NECTIN1: variants seen among roughly 807,000 people sequenced by gnomAD.
The protein encoded by NECTIN1 is nectin cell adhesion molecule 1, also known as nectin-1.
NECTIN1 carries 23 observed loss-of-function variants against 48.0 expected under a neutral mutation model. The ratio of observed to expected loss-of-function variants is 0.48; its 90% confidence interval spans 0.34 to 0.68. The LOEUF is 0.68. Among genes scored for constraint, NECTIN1 ranks in the 30% least tolerant of loss-of-function variants. The probability of loss-of-function intolerance (pLI) is 0.01; values close to 1 mark genes in which losing one functional copy is unlikely to be tolerated. For missense variants in NECTIN1, 591 were observed against 709.9 expected, an observed-to-expected ratio of 0.83 and a Z score of 1.90; for synonymous variants, 270 against 288.9, an observed-to-expected ratio of 0.93 and a Z score of 0.66.
downstream of NECTIN1, among the ~76,000 whole-genome samples, chr11:119,660,827 C>T (rs1864650600): frequency 6.6e-6 from 1 of 152,166 alleles, no homozygotes; most frequent in Admixed American, 6.5e-5. Flanking sequence ...CCGGGGCAGC[C>T]TGTGAGCAGT....
chr11:119,663,963 T>G lies in NECTIN1; in HGVS notation c.*784A>C. 5 of 986,156 alleles carry G rather than the reference T, an allele frequency of 5.1e-6. No individual in the cohort carries two copies. The highest frequency in any genetic ancestry group is 6.0e-6 in the Non-Finnish European group (5 of 830,528). 61.1% of individuals were successfully genotyped at this position (986,156 alleles called of 1,614,324 possible). A position where few individuals can be genotyped will look rare whatever the true frequency, so the allele number is the denominator to read the frequency against. On this transcript the variant is annotated 3_prime_UTR_variant, in exon 6 of 6. Coordinates refer to ENST00000264025, the MANE Select transcript of NECTIN1 (RefSeq NM_002855.5). The stretch of plus-strand genomic sequence containing the variant: ...AGCAGTGTGTGCATGTGTGTGTGTG[T>G]GCACGTGTCAGCAGAGGCAGAGAGC...
At chr11:119,670,556 CAGG>C (rs986176501) in intron 5 of NECTIN1, among the ~76,000 whole-genome samples, 16 of 151,752 alleles carry the variant, frequency 1.1e-4, no homozygotes, top group African/African-American at 3.9e-4. Context: ...GAGTGGGTGA[CAGG>C]AGGAGTGGTG....
intron 5 of NECTIN1, among the ~76,000 whole-genome samples, chr11:119,652,159 T>C (rs1358029587): frequency 6.6e-6 from 1 of 152,142 alleles, no homozygotes; most frequent in Non-Finnish European, 1.5e-5. Flanking sequence ...TTCTTGTCAT[T>C]AACGCCCCAG....
Position 119,673,160 on chromosome 11 carries a change from G to A in NECTIN1, c.1003+1999C>T, listed in dbSNP as rs780333090. ...GAGAATGTGGCAGGCACGGGCCGAC[G>A]TGGAATGGAGGGTGGTGAGGTCAGC... On this transcript the variant is annotated intron_variant, in intron 5 of 5. Transcript: ENST00000264025. The surrounding 1 kb of genome is among the most constrained non-coding windows in gnomAD (Gnocchi z 5.8). Among the ~76,000 whole-genome samples, 4 of 152,222 alleles carry A rather than the reference G, an allele frequency of 2.6e-5. No individual in the cohort carries two copies. The highest frequency in any genetic ancestry group is 5.9e-5 in the Non-Finnish European group (4 of 68,024).
Position 119,665,419 on chromosome 11 carries a change from G to A in NECTIN1, c.1004-122C>T, listed in dbSNP as rs889753738. ...GACAGGCTGTCTGCACCCCAGGTTT[G>A]AGCAGCTCCAGTTCGAGGCCCCGCA... On this transcript the variant is annotated intron_variant, in intron 5 of 5. Coordinates refer to ENST00000264025, the MANE Select transcript of NECTIN1 (RefSeq NM_002855.5). This position sits in a 1 kb window ranked among gnomAD's most constrained non-coding sequence, Gnocchi z 5.1. 29 of 1,441,498 alleles carry A rather than the reference G, an allele frequency of 2.0e-5. No individual in the cohort carries two copies. The Middle Eastern group carries it at 7.5e-4, about 37-fold the overall frequency. 89.3% of individuals were successfully genotyped at this position (1,441,498 alleles called of 1,614,324 possible). A position where few individuals can be genotyped will look rare whatever the true frequency, so the allele number is the denominator to read the frequency against.
intron 5 of NECTIN1, among the ~76,000 whole-genome samples, chr11:119,667,835 A>C (rs1864800049): frequency 6.6e-6 from 1 of 152,178 alleles, no homozygotes; most frequent in Non-Finnish European, 1.5e-5. Flanking sequence ...TTTAGGGTAC[A>C]TAGTTCTCGC....
chr11:119,640,144 A>C, intron 5 of NECTIN1: 1 of 989,138 alleles, frequency 1.0e-6, no homozygotes. Context: ...TCCCCTCCCC[A>C]TGGTGCTCCA....
chr11:119,639,665 G>A, intron 6 of NECTIN1: 1 of 646,990 alleles, frequency 1.5e-6, no homozygotes, highest in South Asian at 1.9e-5. Flanking sequence ...TTTGAACTGG[G>A]GCGGTGCCTG....
At chr11:119,726,807 C>A (rs1865914473) in intron 1 of NECTIN1, among the ~76,000 whole-genome samples, 1 of 152,190 alleles carries the variant, frequency 6.6e-6, no homozygotes, top group Non-Finnish European at 1.5e-5. Flanking sequence ...GGGAAGCTCT[C>A]GTTTCTCTGG....
At chr11:119,668,198 C>T (rs1864806818) in intron 5 of NECTIN1, among the ~76,000 whole-genome samples, 2 of 152,218 alleles carry the variant, frequency 1.3e-5, no homozygotes, top group African/African-American at 4.8e-5. Flanking sequence ...CATCTTCCTT[C>T]TAAACCCTCT....
downstream of NECTIN1, among the ~76,000 whole-genome samples, chr11:119,657,142 A>C (rs1434138905): frequency 6.6e-6 from 1 of 152,116 alleles, no homozygotes; most frequent in African/African-American, 2.4e-5. Flanking sequence ...GACAACAATA[A>C]ATAGCATTGT....
rs529146532 is a variant in NECTIN1, at chr11:119,701,171, T to C, written c.80-22406A>G. Among the ~76,000 whole-genome samples the C allele has an allele frequency of 1.9e-4, 29 of 152,302 alleles. No individual in the cohort carries two copies. In the South Asian group the frequency reaches 6.0e-3, roughly 32 times the overall value. ...ACTGCTCTGTGCCTCAGCTGTGTCA[T>C]CTGTGAAATGGGAACACCAATTATT... On this transcript the variant is annotated intron_variant, in intron 1 of 5. Transcript: ENST00000264025.
At chr11:119,651,076 G>A (rs1193340171) in intron 5 of NECTIN1, among the ~76,000 whole-genome samples, 2 of 152,104 alleles carry the variant, frequency 1.3e-5, no homozygotes, top group Admixed American at 1.3e-4. Context: ...TGCATGAGTT[G>A]AACTACAGGG....
chr11:119,718,647 C>T (rs1360903603), intron 1 of NECTIN1, among the ~76,000 whole-genome samples: 1 of 152,178 alleles, frequency 6.6e-6, no homozygotes, highest in Admixed American at 6.5e-5. Flanking sequence ...CGAGGAGCTA[C>T]TATACCTGCC....
rs528181382 is a variant in NECTIN1, at chr11:119,695,745, A to G, written c.80-16980T>C. Among the ~76,000 whole-genome samples, 360 of 152,270 alleles carry G rather than the reference A, an allele frequency of 2.4e-3. 1 individual carries two copies. Among genetic ancestry groups the G allele is most frequent in the Non-Finnish European group, 4.1e-3 (277 of 68,018 alleles). The stretch of plus-strand genomic sequence containing the variant: ...TGTAAGAGAAAGGCTGATGGGCTGC[A>G]TATGTGGGGGCCGCATTCAATTCAT... On this transcript the variant is annotated intron_variant, in intron 1 of 5. Transcript: ENST00000264025.
At chr11:119,648,843 G>T (rs1028671874) in intron 5 of NECTIN1, among the ~76,000 whole-genome samples, 4 of 152,078 alleles carry the variant, frequency 2.6e-5, no homozygotes, top group Non-Finnish European at 5.9e-5. Context: ...ATTCCAGTGG[G>T]TCTAGGTGGC....
chr11:119,703,215 G>T (rs1949568152), intron 1 of NECTIN1, among the ~76,000 whole-genome samples: 1 of 152,222 alleles, frequency 6.6e-6, no homozygotes, highest in Non-Finnish European at 1.5e-5. Context: ...GAGGGGTTGG[G>T]ACCCACGTGG....
chr11:119,674,641 C>G (rs781338167), intron 5 of NECTIN1: 2 of 1,614,236 alleles, frequency 1.2e-6, no homozygotes, highest in Non-Finnish European at 1.7e-6. Flanking sequence ...GATAAGTTGA[C>G]AGAAAGCTGC....
chr11:119,675,129 G>A (rs757458553), intron 5 of NECTIN1, 30 bp downstream of exon 5: 94 of 1,613,630 alleles, frequency 5.8e-5, no homozygotes, highest in Non-Finnish European at 7.0e-5. Context: ...CCGTGGGTGC[G>A]GAGAGGCTGG....
Sources: gnomAD v4.1 joint callset for allele counts (sites outside exome capture counted in the v4.1 genomes callset) on GRCh38, gnomAD v4.1.1 for gene constraint, Gnocchi (gnomAD v3.1) non-coding constraint, MANE v1.5 for transcripts, NCBI Gene and HGNC (gene_info 2026-07-23, HGNC 2026-07-21) for gene names.